TF: variants seen among roughly 807,000 people sequenced by gnomAD.
TF encodes the protein serotransferrin.
TF carries 55 observed loss-of-function variants against 82.4 expected under a neutral mutation model. The ratio of observed to expected loss-of-function variants is 0.67; its 90% CI spans 0.54 to 0.84. The LOEUF is 0.84. Among genes scored for constraint, TF ranks in the 40% least tolerant of loss-of-function variants. TF has a pLI of 0.00. For missense variants in TF, 737 were observed against 868.4 expected (o/e 0.85, Z 1.90); for synonymous variants, 332 against 332.6 (o/e 1.00, Z 0.02).
At chr3:133,699,568 C>A in the TF span, 1 of 686,176 alleles carries the variant, frequency 1.5e-6, no homozygotes, top group Non-Finnish European at 2.5e-6. Context: ...ACTGTCATGG[C>A]CTGAAGTGTG....
At chr3:133,710,694 C>T in the TF span, among the ~76,000 whole-genome samples, 1 of 152,238 alleles carries the variant, frequency 6.6e-6, no homozygotes, top group Admixed American at 6.5e-5. Flanking sequence ...ATGTTCCCTT[C>T]CATGGTCTCA....
Position 133,766,347 on chromosome 3 carries a change from A to T in TF, c.1400A>T (p.Lys467Met). The change falls in exon 12 of 17, where the codon AAG becomes ATG. Residue 467 changes from lysine (K) to methionine (M), a missense_variant. Coordinates refer to ENST00000402696, the MANE Select transcript of TF (RefSeq NM_001063.4). ...ACCTGGGACAATCTGAAAGGCAAGA[A>T]GTCCTGCCATACGGCAGTTGGCAGA... ...DLTWDNLKGK[K>M]SCHTAVGRTA... 1.2e-6 allele frequency: 2 copies of T among 1,614,220 alleles called. No homozygotes were observed. Among genetic ancestry groups the T allele is most frequent in the Non-Finnish European group, 8.5e-7 (1 of 1,180,028 alleles).
intron 2 of TF, among the ~76,000 whole-genome samples, chr3:133,752,097 ATTTT>A (rs111531493): frequency 7.5e-6 from 1 of 133,300 alleles, no homozygotes; most frequent in Non-Finnish European, 1.6e-5. Context: ...TTGCTTTGTA[ATTTT>A]TTTTTTTTTT....
chr3:133,668,146 G>A, the TF span, among the ~76,000 whole-genome samples: 3 of 152,216 alleles, frequency 2.0e-5, no homozygotes, highest in Non-Finnish European at 4.4e-5. Flanking sequence ...ACGTGAAACT[G>A]ACTGGAACCA....
the TF span, among the ~76,000 whole-genome samples, chr3:133,703,101 T>C: frequency 3.3e-5 from 5 of 152,228 alleles, no homozygotes; most frequent in African/African-American, 1.2e-4. Flanking sequence ...TGTTTATATT[T>C]GAGTTATTTC....
At chr3:133,766,648 G>A (rs760622352) in intron 12 of TF, among the ~76,000 whole-genome samples, 3 of 152,228 alleles carry the variant, frequency 2.0e-5, no homozygotes, top group Non-Finnish European at 4.4e-5. Context: ...GTTCATTTAG[G>A]TTGAACATAT....
chr3:133,697,682 T>C, the TF span, among the ~76,000 whole-genome samples: 2 of 152,364 alleles, frequency 1.3e-5, no homozygotes, highest in Non-Finnish European at 1.5e-5. Flanking sequence ...GAAAAGTGAT[T>C]TATTTCTGAG....
At chr3:133,768,784 ATTTTTTT>A (rs5852766) in intron 13 of TF, among the ~76,000 whole-genome samples, 6 of 82,166 alleles carry the variant, frequency 7.3e-5, no homozygotes, top group East Asian at 3.4e-4. Context: ...GTACCTTGCT[ATTTTTTT>A]TTTTTTTTTT....
In TF at chr3:133,754,537, A is replaced by G; in HGVS notation, c.368A>G (p.Asp123Gly). ...FYYAVAVVKK[D>G]SGFQMNQLRG... ...TATGCTGTTGCTGTGGTGAAGAAGGATAGTGGCTTCCAGATGAACCAGCTT... is the reference window on the plus strand; with the variant it reads ...TATGCTGTTGCTGTGGTGAAGAAGGGTAGTGGCTTCCAGATGAACCAGCTT... The change falls in exon 4 of 17, where the codon GAT (aspartate) becomes GGT (glycine). Residue 123 changes from aspartate (D) to glycine (G), a missense_variant. Coordinates refer to ENST00000402696, the MANE Select transcript of TF (RefSeq NM_001063.4). The G allele has an allele frequency of 1.2e-6, 2 of 1,614,214 alleles. No individual in the cohort carries two copies. The highest frequency in any genetic ancestry group is 1.7e-6 in the Non-Finnish European group (2 of 1,180,028).
At chr3:133,689,917 G>A in the TF span, among the ~76,000 whole-genome samples, 3,131 of 152,030 alleles carry the variant, frequency 0.021, 118 homozygotes, top group African/African-American at 0.072. Flanking sequence ...TGGGGTAAAT[G>A]TAGTGTTTTG....
At chr3:133,751,586 G>A (rs958409086) in intron 2 of TF, among the ~76,000 whole-genome samples, 7 of 152,192 alleles carry the variant, frequency 4.6e-5, no homozygotes, top group African/African-American at 1.7e-4. Context: ...GGAGAAATAG[G>A]AGGTAATTGT....
intron 7 of TF, among the ~76,000 whole-genome samples, chr3:133,757,359 C>G (rs1933865276): frequency 6.6e-6 from 1 of 152,202 alleles, no homozygotes; most frequent in Non-Finnish European, 1.5e-5. Flanking sequence ...CTCCCCATGC[C>G]CCTCAGCCCG....
Position 133,756,306 on chromosome 3 carries a change from T to C in TF, c.660T>C (p.Asp220=). 1.2e-6 allele frequency: 2 copies of C among 1,614,142 alleles called. No individual in the cohort carries two copies. The highest frequency in any genetic ancestry group is 1.7e-6 in the Non-Finnish European group (2 of 1,180,030). ...GGTGTCTGAAGGATGGTGCTGGGGA[T>C]GTGGCCTTTGTCAAGCACTCGACTA... The part of the protein sequence containing the change: ...AFKCLKDGAG[D]VAFVKHSTIF... The change falls in exon 6 of 17, where the codon GAT becomes GAC. Residue 220 remains aspartate, a synonymous_variant. Transcript: ENST00000402696.
At chr3:133,723,219 G>A in the TF span, among the ~76,000 whole-genome samples, 1 of 152,070 alleles carries the variant, frequency 6.6e-6, no homozygotes, top group African/African-American at 2.4e-5. Flanking sequence ...CACTATCTTT[G>A]ACTTTTGACA....
At chr3:133,664,612 G>A in the TF span, among the ~76,000 whole-genome samples, 248 of 152,234 alleles carry the variant, frequency 1.6e-3, 1 homozygote, top group African/African-American at 5.6e-3. Context: ...AAGTCACTGC[G>A]CCTGGCCACT....
chr3:133,763,957 C>T (rs1189625874), intron 9 of TF, among the ~76,000 whole-genome samples: 2 of 152,218 alleles, frequency 1.3e-5, no homozygotes, highest in Non-Finnish European at 2.9e-5. Context: ...TTGAACTAGG[C>T]ACCTGGAGTT....
intron 16 of TF, chr3:133,777,969 G>A (rs1482242532): frequency 6.3e-6 from 1 of 159,714 alleles, no homozygotes; most frequent in East Asian, 1.8e-4. Context: ...AGATAAGGGA[G>A]TCTTGATCCT....
chr3:133,700,934 A>C, the TF span: 1 of 152,658 alleles, frequency 6.6e-6, no homozygotes, highest in Non-Finnish European at 1.5e-5. Context: ...GGCTCTCCTC[A>C]TGAGACAGAT....
chr3:133,694,887 TTA>T, the TF span, among the ~76,000 whole-genome samples: 30 of 38,662 alleles, frequency 7.8e-4, no homozygotes, highest in Admixed American at 3.0e-3. Context: ...TATTTATTTA[TTA>T]TTATTATTAT....
Sources: allele counts gnomAD v4.1 joint callset (sites outside exome capture counted in the v4.1 genomes callset), GRCh38; gene constraint gnomAD v4.1.1; transcripts MANE v1.5; gene names NCBI Gene and HGNC (gene_info 2026-07-23, HGNC 2026-07-21).